DMD: variants seen among roughly 807,000 people sequenced by gnomAD.
DMD encodes dystrophin.
DMD carries 63 observed loss-of-function variants against 330.1 expected under a neutral mutation model. The observed-to-expected ratio is 0.19, with a 90% CI of 0.16 to 0.24. The LOEUF is 0.24. Among genes scored for constraint, DMD ranks in the 10% least tolerant of loss-of-function variants. DMD has a pLI of 1.00. For missense variants in DMD, 3,344 were observed against 2,684.1 expected (o/e 1.25, Z -5.43); for synonymous variants, 1,223 against 959.8 (o/e 1.27, Z -5.07).
chrX:32,486,209 T>A (rs1255796109), intron 20 of DMD, among the ~76,000 whole-genome samples: 2 of 111,302 alleles, frequency 1.8e-5, no homozygotes, highest in African/African-American at 6.5e-5. Context: ...GCACCTGAAA[T>A]GTGGCTGGTC....
At chrX:32,186,308 T>C (rs1338549157) in intron 44 of DMD, among the ~76,000 whole-genome samples, 1 of 111,510 alleles carries the variant, frequency 9.0e-6, no homozygotes, top group East Asian at 2.8e-4. Flanking sequence ...GCATTTGTCC[T>C]GTCACTTTTA....
chrX:32,340,342 C>T (rs1398993543), intron 41 of DMD, among the ~76,000 whole-genome samples: 1 of 111,514 alleles, frequency 9.0e-6, no homozygotes, highest in Non-Finnish European at 1.9e-5. Context: ...AAGAATAAAT[C>T]GTTTATGAGG....
chrX:32,154,386 A>C (rs1435647120), intron 44 of DMD, among the ~76,000 whole-genome samples: 1 of 112,491 alleles, frequency 8.9e-6, no homozygotes, highest in Non-Finnish European at 1.9e-5. Context: ...TCTTTACATA[A>C]CCGTATGTTA....
intron 9 of DMD, among the ~76,000 whole-genome samples, chrX:32,655,989 C>G (rs995824176): frequency 6.3e-5 from 7 of 111,211 alleles, no homozygotes; most frequent in African/African-American, 2.3e-4. Flanking sequence ...AAACATTAAT[C>G]TTAATTCCTA....
At chrX:32,512,207 C>T (rs938609585) in intron 18 of DMD, among the ~76,000 whole-genome samples, 2 of 112,155 alleles carry the variant, frequency 1.8e-5, no homozygotes. Flanking sequence ...CTCTGTTCCT[C>T]CTTCTTTATT....
At chrX:31,132,094 G>C (rs1602017181) in intron 77 of DMD, among the ~76,000 whole-genome samples, 1 of 112,038 alleles carries the variant, frequency 8.9e-6, no homozygotes, top group South Asian at 3.8e-4. Flanking sequence ...TATCGGACAA[G>C]GCTTCCTTCT....
At chrX:32,280,165 G>GTATATATA (rs201359021) in intron 43 of DMD, among the ~76,000 whole-genome samples, 1 of 22,178 alleles carries the variant, frequency 4.5e-5, no homozygotes, top group South Asian at 2.2e-3. Context: ...TATATATACA[G>GTATATATA]TATATATATA....
chrX:33,210,292 T>C (rs761506462), intron 1 of DMD, among the ~76,000 whole-genome samples: 29 of 110,249 alleles, frequency 2.6e-4, no homozygotes, highest in Admixed American at 4.9e-4. Context: ...TCATTCTTAA[T>C]TATAGGCATT....
rs1001196172 is a variant in DMD, at chrX:32,878,279, A to G, written c.94-28459T>C. ...TGTAGTCCCAGCTACTCGGGAGGCT[A>G]AGGCAGGAGAATGGCATGAACCTGG... is the stretch of plus-strand genomic sequence containing the variant. On this transcript the variant is annotated intron_variant, in intron 2 of 78. Transcript: ENST00000357033. Among the ~76,000 whole-genome samples the G allele has an allele frequency of 2.8e-4, 31 of 110,938 alleles. 1 individual carries two copies. In the South Asian group the frequency reaches 5.5e-3, roughly 20 times the overall value.
At chrX:31,908,666 T>G (rs2094508741) in intron 47 of DMD, among the ~76,000 whole-genome samples, 1 of 99,730 alleles carries the variant, frequency 1.0e-5, no homozygotes, top group Non-Finnish European at 2.0e-5. Context: ...CGCATACCTA[T>G]GTAACAAACC....
intron 1 of DMD, among the ~76,000 whole-genome samples, chrX:33,257,880 C>G (rs1457213115): frequency 9.0e-6 from 1 of 110,553 alleles, no homozygotes; most frequent in Non-Finnish European, 1.9e-5. Flanking sequence ...CTCAAATACC[C>G]TACTCACTCC....
chrX:33,000,792 C>T (rs1432039798), intron 2 of DMD, among the ~76,000 whole-genome samples: 2 of 111,589 alleles, frequency 1.8e-5, no homozygotes, highest in Non-Finnish European at 3.8e-5. Flanking sequence ...AAAATTACTT[C>T]ACCTGTTTCT....
At chrX:31,632,757 G>T (rs1280549973) in intron 54 of DMD, among the ~76,000 whole-genome samples, 1 of 111,845 alleles carries the variant, frequency 8.9e-6, no homozygotes, top group Admixed American at 9.5e-5. Flanking sequence ...CAAATTTCCT[G>T]TAACCATAAC....
intron 4 of DMD, among the ~76,000 whole-genome samples, chrX:32,840,248 A>G (rs1452600525): frequency 5.4e-5 from 6 of 111,970 alleles, no homozygotes; most frequent in East Asian, 5.6e-4. Context: ...TTTCCCTACT[A>G]AAACATTAGG....
intron 1 of DMD, among the ~76,000 whole-genome samples, chrX:33,310,255 A>G (rs960093722): frequency 9.0e-6 from 1 of 111,654 alleles, no homozygotes; most frequent in Non-Finnish European, 1.9e-5. Context: ...AGCCTATTGT[A>G]GCTGCCTAAT....
chrX:33,301,150 C>T (rs1233607068), intron 1 of DMD, among the ~76,000 whole-genome samples: 1 of 111,245 alleles, frequency 9.0e-6, no homozygotes, highest in African/African-American at 3.3e-5. Context: ...CCACTCAAGG[C>T]CAGGCATTGT....
chrX:31,695,666 T>C (rs1420339344), intron 52 of DMD, among the ~76,000 whole-genome samples: 3 of 111,258 alleles, frequency 2.7e-5, no homozygotes, highest in Non-Finnish European at 5.7e-5. Context: ...GAAATAAACT[T>C]GGCACAGAGA....
chrX:32,095,303 C>T (rs906685543), intron 44 of DMD, among the ~76,000 whole-genome samples: 2 of 111,812 alleles, frequency 1.8e-5, no homozygotes, highest in African/African-American at 3.2e-5. Flanking sequence ...GAAAATATCT[C>T]GTTATCCATA....
At chrX:31,924,155 T>C (rs1407090921) in intron 47 of DMD, among the ~76,000 whole-genome samples, 1 of 111,582 alleles carries the variant, frequency 9.0e-6, no homozygotes, top group Non-Finnish European at 1.9e-5. Context: ...CCAGTGAAGA[T>C]TCTATTATTT....
Sources: gnomAD v4.1 joint callset for allele counts (sites outside exome capture counted in the v4.1 genomes callset) on GRCh38, gnomAD v4.1.1 for gene constraint, MANE v1.5 for transcripts, NCBI Gene and HGNC (gene_info 2026-07-23, HGNC 2026-07-21) for gene names.